The following SHLD1 variants were observed in gnomAD, a reference collection of about 807,000 sequenced individuals.
SHLD1 encodes shieldin complex subunit 1.
SHLD1 carries 3 observed loss-of-function variants against 5.5 expected under a neutral mutation model. The observed-to-expected ratio is 0.54, with a 90% confidence interval of 0.25 to 1.40. SHLD1 has a LOEUF of 1.40. Among genes scored for constraint, SHLD1 ranks in the 40% most tolerant of loss-of-function variants. SHLD1 has a pLI of 0.15. For missense variants in SHLD1, 210 were observed against 244.4 expected (o/e 0.86, Z 0.94); for synonymous variants, 92 against 94.3 (o/e 0.98, Z 0.14).
At chr20:5,857,752 G>C (rs1363579435) in intron 2 of SHLD1, among the ~76,000 whole-genome samples, 2 of 151,970 alleles carry the variant, frequency 1.3e-5, no homozygotes, top group Non-Finnish European at 2.9e-5. Flanking sequence ...GGCTCAGGCA[G>C]TGAGCTGTGT....
chr20:5,785,796 CAAA>C (rs34293571), intron 2 of SHLD1, among the ~76,000 whole-genome samples: 5 of 82,328 alleles, frequency 6.1e-5, no homozygotes, highest in Admixed American at 1.4e-4. Flanking sequence ...ACTCCGTCTC[CAAA>C]AAAAAAAAAA....
chr20:5,751,385 C>T (rs982925096), intron 1 of SHLD1, among the ~76,000 whole-genome samples: 5 of 152,136 alleles, frequency 3.3e-5, no homozygotes, highest in African/African-American at 1.2e-4. Context: ...TGGCTCACTG[C>T]AACCTCTGCT....
intron 2 of SHLD1, among the ~76,000 whole-genome samples, chr20:5,816,088 C>CTAAAAAAAAAAA (rs2087526538): frequency 5.0e-5 from 1 of 20,094 alleles, no homozygotes. Context: ...CTCAAAAAAA[C>CTAAAAAAAAAAA]GAAAAAAAAA....
intron 2 of SHLD1, among the ~76,000 whole-genome samples, chr20:5,778,766 A>T (rs985954856): frequency 2.0e-5 from 3 of 152,338 alleles, no homozygotes; most frequent in Non-Finnish European, 4.4e-5. Context: ...GATCACCCTA[A>T]GCAGAAATAA....
At chr20:5,837,787 A>G (rs1723593392) in intron 2 of SHLD1, among the ~76,000 whole-genome samples, 2 of 152,012 alleles carry the variant, frequency 1.3e-5, no homozygotes, top group South Asian at 2.1e-4. Context: ...CACATTCATG[A>G]CATACCTAAT....
intron 1 of SHLD1, among the ~76,000 whole-genome samples, chr20:5,763,622 C>G (rs1463227270): frequency 6.6e-6 from 1 of 152,168 alleles, no homozygotes; most frequent in Admixed American, 6.6e-5. Context: ...CCTCTTTCCC[C>G]TAAGCCCACT....
chr20:5,779,200 TAAAA>T (rs58493291), intron 2 of SHLD1, among the ~76,000 whole-genome samples: 1 of 125,998 alleles, frequency 7.9e-6, no homozygotes, highest in East Asian at 2.3e-4. Context: ...AGACTCTGTC[TAAAA>T]AAAAAAAAAA....
At chr20:5,761,985 C>T (rs1984493337) in intron 1 of SHLD1, among the ~76,000 whole-genome samples, 1 of 151,676 alleles carries the variant, frequency 6.6e-6, no homozygotes, top group Non-Finnish European at 1.5e-5. Context: ...TTACAGGTGG[C>T]TCACACCTGT....
chr20:5,778,217 C>T lies in SHLD1; in HGVS notation c.178+5174C>T, dbSNP rs548915467. 2.4e-3 allele frequency among the ~76,000 whole-genome samples: 357 copies of T among 149,536 alleles called. 1 individual carries two copies. The highest frequency in any genetic ancestry group is 8.3e-3 in the African/African-American group (339 of 40,710). On this transcript the variant is annotated intron_variant, in intron 2 of 2. Transcript: ENST00000303142. Reference sequence around the variant, plus strand: ...CTGCAAGCTCCGCCTCCTGGGTTCACGCCATTCTCCTGCGTCAGCCTCCCA... The same window carrying T: ...CTGCAAGCTCCGCCTCCTGGGTTCATGCCATTCTCCTGCGTCAGCCTCCCA...
intron 2 of SHLD1, among the ~76,000 whole-genome samples, chr20:5,812,457 T>A (rs73079282): frequency 0.014 from 2,203 of 152,302 alleles, 21 homozygotes; most frequent in African/African-American, 0.024. Flanking sequence ...TTGATATATG[T>A]AACTTTAGAG....
chr20:5,796,555 A>G (rs1313660948), intron 2 of SHLD1, among the ~76,000 whole-genome samples: 1 of 152,074 alleles, frequency 6.6e-6, no homozygotes, highest in Non-Finnish European at 1.5e-5. Context: ...GGCCGGGCGC[A>G]GTGGCTCATG....
At chr20:5,764,160 A>T (rs1302015907) in intron 1 of SHLD1, among the ~76,000 whole-genome samples, 58 of 63,208 alleles carry the variant, frequency 9.2e-4, no homozygotes, top group African/African-American at 2.5e-3. Flanking sequence ...ATTTATATTT[A>T]TATATATATA....
intron 1 of SHLD1, among the ~76,000 whole-genome samples, chr20:5,765,829 G>A (rs578195529): frequency 1.6e-5 from 2 of 121,986 alleles, no homozygotes; most frequent in African/African-American, 6.3e-5. Flanking sequence ...ATGTTGGCCA[G>A]GCTGGTCTCA....
At chr20:5,834,650 T>G (rs907577057) in intron 2 of SHLD1, among the ~76,000 whole-genome samples, 1 of 152,232 alleles carries the variant, frequency 6.6e-6, no homozygotes, top group African/African-American at 2.4e-5. Flanking sequence ...GATACTGTTG[T>G]GCAAAGGTCT....
intron 2 of SHLD1, among the ~76,000 whole-genome samples, chr20:5,779,199 C>G (rs1473497244): frequency 2.8e-5 from 4 of 142,970 alleles, no homozygotes; most frequent in African/African-American, 1.0e-4. Flanking sequence ...GAGACTCTGT[C>G]TAAAAAAAAA....
At chr20:5,859,059 C>T (rs4813782) in intron 2 of SHLD1, among the ~76,000 whole-genome samples, 115,624 of 151,980 alleles carry the variant, frequency 0.76, 44,665 homozygotes, top group African/African-American at 0.91. Flanking sequence ...CAATGGTTTT[C>T]CCCCTCAACC....
chr20:5,752,989 G>A lies in SHLD1; in HGVS notation c.-5+2510G>A, dbSNP rs560806567. ...TTTTGTATTTTCAGTAGAGATGGGGGGGTTTCACCATGTTGGTCAGGCTGG... is the reference window on the plus strand; with the variant it reads ...TTTTGTATTTTCAGTAGAGATGGGGAGGTTTCACCATGTTGGTCAGGCTGG... On this transcript the variant is annotated intron_variant, in intron 1 of 2. Coordinates refer to ENST00000303142, the MANE Select transcript of SHLD1 (RefSeq NM_152504.4). 2.0e-5 allele frequency among the ~76,000 whole-genome samples: 3 copies of A among 152,200 alleles called. No homozygotes were observed. In the South Asian group the frequency reaches 6.2e-4, roughly 32 times the overall value.
At chr20:5,813,093 C>T (rs2087481553) in intron 2 of SHLD1, among the ~76,000 whole-genome samples, 2 of 151,984 alleles carry the variant, frequency 1.3e-5, no homozygotes, top group African/African-American at 4.8e-5. Context: ...CCCGGCTGCT[C>T]TAGAACTTCT....
chr20:5,858,509 A>T (rs926972805), intron 2 of SHLD1, among the ~76,000 whole-genome samples: 1 of 152,194 alleles, frequency 6.6e-6, no homozygotes, highest in African/African-American at 2.4e-5. Context: ...CAACTCCTAA[A>T]TATATAAAAA....
Sources: gnomAD v4.1 joint callset for allele counts (sites outside exome capture counted in the v4.1 genomes callset) on GRCh38, gnomAD v4.1.1 for gene constraint, MANE v1.5 for transcripts, NCBI Gene and HGNC (gene_info 2026-07-23, HGNC 2026-07-21) for gene names.